Variants in MAPK10 observed in about 807,000 individuals in gnomAD.
The protein encoded by MAPK10 is JNK3 alpha protein kinase.
In MAPK10, 25 loss-of-function variants were observed where a neutral mutation model predicts 59.3. The observed-to-expected ratio is 0.42, with a 90% CI of 0.31 to 0.59. MAPK10 has a LOEUF of 0.59. Ranked by LOEUF, MAPK10 falls within the 20% of genes least tolerant of loss-of-function variation. MAPK10 has a pLI of 0.15. For synonymous variants in MAPK10, 190 were observed against 200.5 expected (o/e 0.95, Z 0.44); for missense variants, 351 against 568.9 (o/e 0.62, Z 3.90).
At chr4:86,212,252 A>G (rs2086050443) in intron 2 of MAPK10, among the ~76,000 whole-genome samples, 1 of 152,058 alleles carries the variant, frequency 6.6e-6, no homozygotes, top group African/African-American at 2.4e-5. Flanking sequence ...GGATGGAAAA[A>G]TATATTTGTG....
chr4:86,255,345 T>C (rs1161903334), intron 2 of MAPK10, among the ~76,000 whole-genome samples: 2 of 152,200 alleles, frequency 1.3e-5, no homozygotes, highest in African/African-American at 2.4e-5. Context: ...GAATTTGATA[T>C]GAAGTTTTTC....
intron 4 of MAPK10, among the ~76,000 whole-genome samples, chr4:86,113,885 A>T (rs1172961022): frequency 6.6e-6 from 1 of 152,180 alleles, no homozygotes; most frequent in Non-Finnish European, 1.5e-5. Context: ...ACATAATCCC[A>T]TAGTTCTCAG....
At chr4:86,083,582 G>T (rs1034507186) in intron 9 of MAPK10, among the ~76,000 whole-genome samples, 1 of 152,154 alleles carries the variant, frequency 6.6e-6, no homozygotes, top group Non-Finnish European at 1.5e-5. Flanking sequence ...CTGCTCTGAG[G>T]CTGAGAATAA....
chr4:86,126,183 T>C (rs1262133965), intron 4 of MAPK10, among the ~76,000 whole-genome samples: 1 of 152,070 alleles, frequency 6.6e-6, no homozygotes, highest in East Asian at 1.9e-4. Context: ...CTCTGGAAAA[T>C]ATATTTTAGC....
intron 2 of MAPK10, among the ~76,000 whole-genome samples, chr4:86,339,741 T>C (rs1343089461): frequency 6.6e-6 from 1 of 152,128 alleles, no homozygotes; most frequent in African/African-American, 2.4e-5. Flanking sequence ...GAGGAATAAA[T>C]GAGATAGTGT....
chr4:86,283,594 T>A (rs1306374446), intron 2 of MAPK10, among the ~76,000 whole-genome samples: 1 of 152,196 alleles, frequency 6.6e-6, no homozygotes. Context: ...TTTTAACTTA[T>A]TTTTTACAGC....
At chr4:86,304,487 G>A (rs2095530435) in intron 2 of MAPK10, among the ~76,000 whole-genome samples, 2 of 147,636 alleles carry the variant, frequency 1.4e-5, no homozygotes, top group Non-Finnish European at 3.0e-5. Flanking sequence ...CCACCTCCCA[G>A]GTTCACGCCA....
At chr4:86,092,340 A>G (rs1049741250) in intron 9 of MAPK10, among the ~76,000 whole-genome samples, 20 of 152,122 alleles carry the variant, frequency 1.3e-4, no homozygotes, top group Non-Finnish European at 2.6e-4. Flanking sequence ...TTGTGCCTAG[A>G]AATGATAAGC....
At chr4:86,132,141 G>T (rs998696718) in intron 4 of MAPK10, among the ~76,000 whole-genome samples, 1 of 152,218 alleles carries the variant, frequency 6.6e-6, no homozygotes, top group Middle Eastern at 3.4e-3. Flanking sequence ...AGGTCTCAAT[G>T]AGTTAATAAC....
At chr4:86,071,622 T>C (rs1461713565) in intron 9 of MAPK10, among the ~76,000 whole-genome samples, 3 of 150,764 alleles carry the variant, frequency 2.0e-5, no homozygotes, top group Non-Finnish European at 4.4e-5. Context: ...GCTAGCCAGT[T>C]TTCCCAGCAC....
chr4:86,111,591 T>C lies in MAPK10; in HGVS notation c.237-4239A>G, dbSNP rs371593154. 9.8e-5 allele frequency among the ~76,000 whole-genome samples: 15 copies of C among 152,344 alleles called. No individual in the cohort carries two copies. The South Asian group carries it at 2.7e-3, about 27-fold the overall frequency. ...GGGGATGAAGCAAACTTGATTATGGTGGATAAGCTTTTTTATGTGCTGCTG... is the reference window on the plus strand; with the variant it reads ...GGGGATGAAGCAAACTTGATTATGGCGGATAAGCTTTTTTATGTGCTGCTG... On this transcript the variant is annotated intron_variant, in intron 4 of 13. Transcript: ENST00000641462.
At chr4:86,223,392 T>C (rs1290313655) in intron 2 of MAPK10, among the ~76,000 whole-genome samples, 3 of 152,198 alleles carry the variant, frequency 2.0e-5, no homozygotes, top group African/African-American at 4.8e-5. Flanking sequence ...TGATGAGTCC[T>C]GTGAACATTG....
chr4:86,298,339 AT>A (rs1165413320), intron 2 of MAPK10, among the ~76,000 whole-genome samples: 3 of 152,234 alleles, frequency 2.0e-5, no homozygotes, highest in Admixed American at 6.5e-5. Context: ...AACATTAAAA[AT>A]ATATATAAGA....
chr4:86,194,778 A>C (rs2080893218), intron 2 of MAPK10, among the ~76,000 whole-genome samples: 1 of 151,854 alleles, frequency 6.6e-6, no homozygotes, highest in Non-Finnish European at 1.5e-5. Context: ...TTATTGTAGA[A>C]TAAAAGCACT....
At chr4:86,407,464 C>T (rs1744501841) in intron 1 of MAPK10, among the ~76,000 whole-genome samples, 2 of 152,136 alleles carry the variant, frequency 1.3e-5, no homozygotes, top group Admixed American at 1.3e-4. Flanking sequence ...ATGTCATTCA[C>T]TGAATGAAAG....
At chr4:86,567,721 G>A (rs1188001719) in intron 1 of MAPK10, among the ~76,000 whole-genome samples, 1 of 152,070 alleles carries the variant, frequency 6.6e-6, no homozygotes, top group African/African-American at 2.4e-5. Context: ...TAGATTCACT[G>A]ACATACGGAG....
intron 4 of MAPK10, among the ~76,000 whole-genome samples, chr4:86,115,749 C>A (rs1015782901): frequency 9.2e-5 from 14 of 152,324 alleles, no homozygotes; most frequent in African/African-American, 3.1e-4. Flanking sequence ...GCATGAGCCA[C>A]CAGGCCCGGC....
At chr4:86,523,633 G>A (rs76553184) in intron 1 of MAPK10, among the ~76,000 whole-genome samples, 7,163 of 152,184 alleles carry the variant, frequency 0.047, 224 homozygotes, top group African/African-American at 0.059. Context: ...TGGCTCTTCC[G>A]TTTCTTGATC....
At chr4:86,089,163 G>C (rs1265410026) in intron 9 of MAPK10, 1 of 1,463,608 alleles carries the variant, frequency 6.8e-7, no homozygotes, top group African/African-American at 1.4e-5. Flanking sequence ...GGAATTAATT[G>C]AGAGTGACAC....
Sources: gnomAD v4.1 joint callset for allele counts (sites outside exome capture counted in the v4.1 genomes callset) on GRCh38, gnomAD v4.1.1 for gene constraint, MANE v1.5 for transcripts, NCBI Gene and HGNC (gene_info 2026-07-23, HGNC 2026-07-21) for gene names.